PNPT1: variants seen among roughly 807,000 people sequenced by gnomAD.
PNPT1 encodes polyribonucleotide nucleotidyltransferase 1.
In PNPT1, 53 loss-of-function variants were observed where a neutral mutation model predicts 119.5. That is an observed-to-expected ratio of 0.44 (90% CI 0.36 to 0.56). The LOEUF is 0.56. PNPT1 is among the 20% of genes least tolerant of loss of function. The pLI, the probability that PNPT1 is intolerant of heterozygous loss-of-function variation, is 0.00. For missense variants in PNPT1, 948 were observed against 938.5 expected, an observed-to-expected ratio of 1.01 and a Z score of -0.13; for synonymous variants, 357 against 322.1, an observed-to-expected ratio of 1.11 and a Z score of -1.16.
Position 55,645,413 on chromosome 2 carries a change from T to G in PNPT1, c.1758A>C (p.Leu586Phe), listed in dbSNP as rs767387569. The change falls in exon 22 of 28, where the codon TTA becomes TTC. Residue 586 changes from leucine to phenylalanine, a missense_variant. Coordinates refer to ENST00000447944, the MANE Select transcript of PNPT1 (RefSeq NM_033109.5). Reference protein sequence around the residue: ...QQASVAKKEILQIMNKTISKP... With the variant: ...QQASVAKKEIFQIMNKTISKP... ...TTGAAATAGTTTTGTTCATGATCTG[T>G]AATATCTCCTTTTTTGCCACTAGAA... 8 of 1,609,334 alleles carry G rather than the reference T, an allele frequency of 5.0e-6. No homozygotes were observed. The highest frequency in any genetic ancestry group is 1.7e-5 in the Admixed American group (1 of 59,516).
intron 18 of PNPT1, among the ~76,000 whole-genome samples, chr2:55,650,725 G>C (rs1174053701): frequency 6.6e-6 from 1 of 150,580 alleles, no homozygotes; most frequent in African/African-American, 2.4e-5. Context: ...CGCCCCGTCT[G>C]AGAAGTGAGG....
At chr2:55,667,771 A>T in intron 12 of PNPT1, 91 bp downstream of exon 12, 1 of 1,498,268 alleles carries the variant, frequency 6.7e-7, no homozygotes, top group Non-Finnish European at 8.9e-7. Flanking sequence ...CACTTGAAAA[A>T]AAACAAACTT....
At chr2:55,661,390 C>A (rs192892770) in intron 14 of PNPT1, among the ~76,000 whole-genome samples, 1 of 151,904 alleles carries the variant, frequency 6.6e-6, no homozygotes, top group African/African-American at 2.4e-5. Context: ...CCACCACGCC[C>A]GGCCTGCAAT....
At chr2:55,671,411 C>G (rs1696910521) in intron 10 of PNPT1, 35 bp from the exon 11 acceptor site, 1 of 1,241,756 alleles carries the variant, frequency 8.1e-7, no homozygotes, top group Admixed American at 2.5e-5. Context: ...ATTACATATA[C>G]ATGACAACAT....
intron 1 of PNPT1, among the ~76,000 whole-genome samples, chr2:55,690,044 A>G (rs1331248987): frequency 1.3e-5 from 2 of 151,678 alleles, no homozygotes; most frequent in East Asian, 3.9e-4. Flanking sequence ...CTGGTCTCAA[A>G]CTCCTGGACT....
chr2:55,637,617 A>T lies in PNPT1; in HGVS notation c.2149-18T>A, dbSNP rs142979302. 125 of 1,579,104 alleles carry T rather than the reference A, an allele frequency of 7.9e-5. No individual in the cohort carries two copies. The African/African-American group carries it at 1.4e-3, about 18-fold the overall frequency. ...TGTTTAATCTGGAAAAAAAAATGTT[A>T]ATCTATTAGTTGTTGTGCATAATTA... On this transcript the variant is annotated intron_variant, in intron 26 of 27. Coordinates refer to ENST00000447944, the MANE Select transcript of PNPT1 (RefSeq NM_033109.5).
At chr2:55,673,187 C>G (rs1572824424) in intron 8 of PNPT1, 108 bp from the exon 9 acceptor site, 1 of 847,372 alleles carries the variant, frequency 1.2e-6, no homozygotes, top group Non-Finnish European at 1.7e-6. Context: ...AATTTTACTT[C>G]TTAGTGATAG....
rs1011221588 is a variant in PNPT1 at position 55,657,219 on chromosome 2, C to A, written c.1285-848G>T. Among the ~76,000 whole-genome samples, 84 of 151,624 alleles carry A rather than the reference C, an allele frequency of 5.5e-4. 1 individual carries two copies. The highest frequency in any genetic ancestry group is 1.3e-4 in the Non-Finnish European group (9 of 67,962). On this transcript the variant is annotated intron_variant, in intron 15 of 27. Transcript: ENST00000447944. ...TGGCGCATGCCTGTAATCCCAGCTA[C>A]TCATGAGGCTGAGGCACAAGAATTG...
intron 7 of PNPT1, 122 bp downstream of exon 7, chr2:55,680,590 T>C: frequency 6.7e-6 from 6 of 896,536 alleles, no homozygotes; most frequent in Admixed American, 2.6e-5. Context: ...TAGAACGTCA[T>C]CTAGTTCAAT....
chr2:55,681,041 C>T (rs1465536167), intron 5 of PNPT1, 123 bp from the exon 6 acceptor site: 2 of 751,512 alleles, frequency 2.7e-6, no homozygotes, highest in African/African-American at 1.8e-5. Flanking sequence ...TTAATTTTGG[C>T]TGTCATTAAA....
Position 55,646,494 on chromosome 2 carries a change from A to G in PNPT1, c.1603-8T>C, listed in dbSNP as rs777227969. 1 of 1,599,644 alleles carries G rather than the reference A, an allele frequency of 6.3e-7. No individual in the cohort carries two copies. The highest frequency in any genetic ancestry group is 1.8e-5 in the Admixed American group (1 of 56,448). On this transcript the variant is annotated splice_region_variant and splice_polypyrimidine_tract_variant and intron_variant, in intron 19 of 27. Coordinates refer to ENST00000447944, the MANE Select transcript of PNPT1 (RefSeq NM_033109.5). ...ATTGTAATCTTCAATTCCCTTCAGGAATTTAAAAAGTTATGACATAGTTTT... is the reference window on the plus strand; with the variant it reads ...ATTGTAATCTTCAATTCCCTTCAGGGATTTAAAAAGTTATGACATAGTTTT...
At chr2:55,656,610 G>A (rs1462064676) in intron 15 of PNPT1, among the ~76,000 whole-genome samples, 1 of 152,132 alleles carries the variant, frequency 6.6e-6, no homozygotes, top group Non-Finnish European at 1.5e-5. Flanking sequence ...GGATGGGTAT[G>A]GGGATTTACA....
At chr2:55,639,422 A>G (rs1028535295) in intron 26 of PNPT1, among the ~76,000 whole-genome samples, 4 of 152,164 alleles carry the variant, frequency 2.6e-5, no homozygotes, top group Admixed American at 2.6e-4. Flanking sequence ...GTCCCAATTC[A>G]CACCCCCATC....
At chr2:55,671,874 A>T in intron 10 of PNPT1, 121 bp downstream of exon 10, 1 of 707,812 alleles carries the variant, frequency 1.4e-6, no homozygotes, top group Non-Finnish European at 2.3e-6. Flanking sequence ...GGCTTTTGTT[A>T]GTTTTTCATT....
At chr2:55,651,129 CT>C (rs1191347853) in intron 18 of PNPT1, among the ~76,000 whole-genome samples, 1 of 150,716 alleles carries the variant, frequency 6.6e-6, no homozygotes, top group Non-Finnish European at 1.5e-5. Context: ...AGGGGCGCCT[CT>C]GCCCGGCCGC....
intron 1 of PNPT1, among the ~76,000 whole-genome samples, chr2:55,689,689 C>G (rs1697529505): frequency 6.6e-6 from 1 of 152,098 alleles, no homozygotes; most frequent in Non-Finnish European, 1.5e-5. Context: ...TTACCTGGGG[C>G]TGGGGAGAAA....
intron 25 of PNPT1, among the ~76,000 whole-genome samples, chr2:55,642,560 C>A (rs1019426103): frequency 7.1e-6 from 1 of 141,762 alleles, no homozygotes; most frequent in Non-Finnish European, 1.5e-5. Flanking sequence ...GAGCTGAGAT[C>A]GCACCACTGC....
chr2:55,681,405 T>C (rs755849356), intron 5 of PNPT1, among the ~76,000 whole-genome samples: 2 of 151,832 alleles, frequency 1.3e-5, no homozygotes, highest in African/African-American at 2.4e-5. Flanking sequence ...AGAATCTGTC[T>C]CTAAATAAAT....
chr2:55,682,295 T>A (rs1697272786), intron 5 of PNPT1, among the ~76,000 whole-genome samples: 2 of 149,838 alleles, frequency 1.3e-5, no homozygotes, highest in African/African-American at 4.9e-5. Context: ...CCATCTCTAT[T>A]AAAAACAGAA....
Sources: gnomAD v4.1 joint callset for allele counts (sites outside exome capture counted in the v4.1 genomes callset) on GRCh38, gnomAD v4.1.1 for gene constraint, MANE v1.5 for transcripts, NCBI Gene and HGNC (gene_info 2026-07-23, HGNC 2026-07-21) for gene names.